Variants in KIAA1210 observed in about 807,000 individuals in gnomAD.
The protein encoded by KIAA1210 is acrosomal protein KIAA1210.
A neutral mutation model predicts 78.9 loss-of-function variants in KIAA1210; 48 were observed. The observed-to-expected ratio is 0.61, with a 90% CI of 0.48 to 0.77. The LOEUF (loss-of-function observed/expected upper bound fraction) is 0.77. Among genes scored for constraint, KIAA1210 ranks in the 30% least tolerant of loss-of-function variants. The pLI is 0.00. For missense variants in KIAA1210, 1,108 were observed against 1,100.0 expected (o/e 1.01, Z -0.10); for synonymous variants, 406 against 404.5 (o/e 1.00, Z -0.04).
upstream of KIAA1210, among the ~76,000 whole-genome samples, chrX:119,130,457 G>T (rs898646264): frequency 1.8e-5 from 2 of 112,906 alleles, no homozygotes; most frequent in Non-Finnish European, 3.7e-5. Flanking sequence ...TGTTGTCATA[G>T]TTGATATCAC....
In KIAA1210 at chrX:119,080,068, C is replaced by CTTT. The variant is rs1467034244; in HGVS notation, c.*1258_*1260dup. Reference sequence around the variant, plus strand: ...GCCATCTGCCTGATGGAAAGTACAGCTTTTGGCATCTGTAGAACTCTAATT... The same window carrying CTTT: ...GCCATCTGCCTGATGGAAAGTACAGCTTTTTTTGGCATCTGTAGAACTCTAATT... On this transcript the variant is annotated 3_prime_UTR_variant, in exon 12 of 12. Coordinates refer to ENST00000691062, the MANE Select transcript of KIAA1210 (RefSeq NM_001394962.1). 1 of 111,416 alleles carries CTTT rather than the reference C, an allele frequency of 9.0e-6. No individual in the cohort carries two copies. Among genetic ancestry groups the CTTT allele is most frequent in the Non-Finnish European group, 1.9e-5 (1 of 53,084 alleles). 9.2% of individuals were successfully genotyped at this position (111,416 alleles called of 1,213,427 possible).
chrX:119,088,529 C>T lies in KIAA1210; in HGVS notation c.2173G>A (p.Glu725Lys). 8.3e-7 allele frequency: 1 copy of T among 1,211,004 alleles called. No homozygotes were observed. Among genetic ancestry groups the T allele is most frequent in the African/African-American group, 1.7e-5 (1 of 57,832 alleles). ...VSSASNNTPE[E>K]QNDFMQQLPS... ...AGCTGCTGCATAAAATCATTCTGCT[C>T]TTCAGGAGTATTATTTGAAGCAGAG... is the stretch of plus-strand genomic sequence containing the variant. Residue 725 changes from glutamate to lysine, a missense_variant, in exon 9 of 12, where the codon GAG becomes AAG. Around this residue, in one of 5 missense-constraint regions of KIAA1210, gnomAD observed 672 missense variants for 607.1 expected, o/e 1.11. Transcript: ENST00000691062.
intron 8 of KIAA1210, among the ~76,000 whole-genome samples, chrX:119,092,568 T>C (rs1029862208): frequency 6.3e-5 from 7 of 110,777 alleles, no homozygotes; most frequent in Admixed American, 9.7e-5. Context: ...GAGATCATCC[T>C]GGCTAACACG....
rs375171017 is a variant in KIAA1210 at position 119,080,672 on chromosome X, C to T, written c.*657G>A. The T allele has an allele frequency of 6.2e-5, 7 of 112,015 alleles. No individual in the cohort carries two copies. The highest frequency in any genetic ancestry group is 2.8e-4 in the East Asian group (1 of 3,585). The allele number at this position is 112,015 out of a possible 1,213,427, so 9.2% of individuals were successfully genotyped here. The stretch of plus-strand genomic sequence containing the variant: ...TTTCTCCCTTCTAAAGCACATTGTC[C>T]AAAGTTAAAGATTTTGCAATTTTAC... On this transcript the variant is annotated 3_prime_UTR_variant, in exon 12 of 12. Transcript: ENST00000691062.
In KIAA1210 at chrX:119,137,196, G is replaced by A. The variant is rs187653899; in HGVS notation, c.410+10277C>T. On this transcript the variant is annotated intron_variant, in intron 2 of 13. Coordinates refer to the KIAA1210 transcript ENST00000402510. ...ATCCTCAGAACAATCCTATGAGGTAGGTACTAGTTATTTTCACTTCTCTCC... is the reference window on the plus strand; with the variant it reads ...ATCCTCAGAACAATCCTATGAGGTAAGTACTAGTTATTTTCACTTCTCTCC... Among the ~76,000 whole-genome samples the A allele has an allele frequency of 2.0e-3, 221 of 112,410 alleles. 3 individuals carry two copies. Among genetic ancestry groups the A allele is most frequent in the African/African-American group, 7.0e-3 (217 of 31,028 alleles).
intron 2 of KIAA1210, among the ~76,000 whole-genome samples, chrX:119,139,308 A>G (rs1051831434): frequency 3.6e-5 from 4 of 111,868 alleles, no homozygotes; most frequent in Admixed American, 9.5e-5. Flanking sequence ...CTGAATTGGG[A>G]AGCCATAAGA....
Position 119,081,429 on chromosome X carries a change from G to T in KIAA1210, c.4502C>A (p.Ala1501Asp), listed in dbSNP as rs1926961631. Reference sequence around the variant, plus strand: ...TGGCTCAACTGGGTTCTGGAACTTGGCTGGGAGAGTTGAAGATCGTTTGGT... The same window carrying T: ...TGGCTCAACTGGGTTCTGGAACTTGTCTGGGAGAGTTGAAGATCGTTTGGT... Reference protein sequence around the residue: ...KETKRSSTLPAKFQNPVEPIE... With the variant: ...KETKRSSTLPDKFQNPVEPIE... The change falls in exon 12 of 12, where the codon GCC becomes GAC. Residue 1501 changes from alanine to aspartate, a missense_variant. Ala to Asp is a moderately radical substitution (Grantham distance 126, BLOSUM62 -2). Around this residue, in one of 5 missense-constraint regions of KIAA1210, gnomAD observed 245 missense variants for 278.8 expected, o/e 0.88. Coordinates refer to ENST00000691062, the MANE Select transcript of KIAA1210 (RefSeq NM_001394962.1). 1 of 1,210,615 alleles carries T rather than the reference G, an allele frequency of 8.3e-7. No individual in the cohort carries two copies. Among genetic ancestry groups the T allele is most frequent in the South Asian group, 1.8e-5 (1 of 56,878 alleles).
chrX:119,116,432 G>A, intron 3 of KIAA1210, 64 bp downstream of exon 3: 16 of 1,110,049 alleles, frequency 1.4e-5, no homozygotes, highest in Non-Finnish European at 2.0e-5. Context: ...GCCGAAAGGT[G>A]ACCTAGATCC....
intron 9 of KIAA1210, 126 bp from the exon 10 acceptor site, chrX:119,085,672 T>A (rs1304719954): frequency 4.7e-6 from 3 of 638,158 alleles, no homozygotes; most frequent in Non-Finnish European, 6.8e-6. Context: ...AATAAACAGA[T>A]ATCAAACAGA....
rs372678895 is a variant in KIAA1210, at chrX:119,116,525, G to T, written c.201C>A (p.Pro67=). 3.3e-6 allele frequency: 4 copies of T among 1,209,786 alleles called. No homozygotes were observed. Among genetic ancestry groups the T allele is most frequent in the Non-Finnish European group, 4.5e-6 (4 of 895,001 alleles). ...CCTTAGTTGGTTGATTTTCCCGAACGGGCTGCAGAGAAGAGATGTTAATGT... is the reference window on the plus strand; with the variant it reads ...CCTTAGTTGGTTGATTTTCCCGAACTGGCTGCAGAGAAGAGATGTTAATGT... ...SSNINISSLQ[P]VRENQPTKAR... The change falls in exon 3 of 12, where the codon CCC becomes CCA. Residue 67 remains proline (P), a synonymous_variant. Transcript: ENST00000691062.
chrX:119,149,328 GTCAACAAGATTCTT>G (rs912244242), intron 1 of KIAA1210, among the ~76,000 whole-genome samples: 18 of 111,384 alleles, frequency 1.6e-4, no homozygotes, highest in Non-Finnish European at 3.2e-4. Flanking sequence ...TCTTCGTTCA[GTCAACAAGATTCTT>G]TCAACAAATA....
chrX:119,122,951 C>G (rs1450361536), intron 2 of KIAA1210, among the ~76,000 whole-genome samples: 1 of 112,275 alleles, frequency 8.9e-6, no homozygotes, highest in East Asian at 2.8e-4. Flanking sequence ...GAAGAACAAC[C>G]CAAAGAACTG....
chrX:119,145,773 A>G (rs778632879), intron 2 of KIAA1210, among the ~76,000 whole-genome samples: 1 of 112,541 alleles, frequency 8.9e-6, no homozygotes, highest in Non-Finnish European at 1.9e-5. Context: ...CTTCTAGTGA[A>G]TTATAAAGTT....
At chrX:119,121,557 A>G (rs1306713647) in intron 2 of KIAA1210, among the ~76,000 whole-genome samples, 2 of 52,876 alleles carry the variant, frequency 3.8e-5, no homozygotes, top group South Asian at 2.1e-3. Flanking sequence ...GCCAGAAAAC[A>G]GCTCATTGAA....
rs771009143 is a variant in KIAA1210 at position 119,105,129 on chromosome X, G to A, written c.511C>T (p.Arg171Cys). 113 of 1,204,269 alleles carry A rather than the reference G, an allele frequency of 9.4e-5. No homozygotes were observed. Among genetic ancestry groups the A allele is most frequent in the Non-Finnish European group, 1.1e-4 (102 of 892,811 alleles). ...ACAGGTGGGATGATGCTGAGTCGGCGTCGGCGCGATGGTGGGTTCTGTCAA... is the reference window on the plus strand; with the variant it reads ...ACAGGTGGGATGATGCTGAGTCGGCATCGGCGCGATGGTGGGTTCTGTCAA... ...KITENPPSRR[R>C]RLSIIPPVIQ... Residue 171 changes from arginine (R) to cysteine (C), a missense_variant, in exon 6 of 12, where the codon CGC becomes TGC. By Grantham distance (180) the Arg-to-Cys change is radical. Transcript: ENST00000691062.
chrX:119,111,403 C>T (rs1382021024), intron 3 of KIAA1210, among the ~76,000 whole-genome samples: 1 of 111,982 alleles, frequency 8.9e-6, no homozygotes, highest in Admixed American at 9.5e-5. Context: ...GGCACATATA[C>T]ACCATGGAAT....
chrX:119,107,981 G>C (rs1927942145), intron 5 of KIAA1210, among the ~76,000 whole-genome samples: 1 of 111,902 alleles, frequency 8.9e-6, no homozygotes, highest in South Asian at 3.8e-4. Flanking sequence ...AGGTGCTAAG[G>C]TGTACCCTTC....
Position 119,087,310 on chromosome X carries a change from T to C in KIAA1210, c.3392A>G (p.Glu1131Gly), listed in dbSNP as rs1211499473. ...LSQALRKPEY[E>G]QKVSPVSASS... ...GGCAGAAACAGGGGAGACTTTTTGC[T>C]CATACTCAGGTTTCCTCAAGGCCTG... The change falls in exon 9 of 12, where the codon GAG (glutamate) becomes GGG (glycine). Residue 1131 changes from glutamate to glycine, a missense_variant. This residue lies in a region of KIAA1210 where 5 missense variants were observed against 18.2 expected (regional missense o/e 0.27). Transcript: ENST00000691062. 1 of 1,209,200 alleles carries C rather than the reference T, an allele frequency of 8.3e-7. No homozygotes were observed. The highest frequency in any genetic ancestry group is 2.2e-5 in the Admixed American group (1 of 45,650).
upstream of KIAA1210, among the ~76,000 whole-genome samples, chrX:119,150,750 T>C (rs768377217): frequency 8.9e-6 from 1 of 112,158 alleles, no homozygotes; most frequent in Non-Finnish European, 1.9e-5. Context: ...AGGGGAATGA[T>C]GTTGCAAGTT....
Sources: allele counts gnomAD v4.1 joint callset (sites outside exome capture counted in the v4.1 genomes callset), GRCh38; gene constraint gnomAD v4.1.1; regional missense constraint gnomAD v4.1.1; transcripts MANE v1.5; gene names NCBI Gene and HGNC (gene_info 2026-07-23, HGNC 2026-07-21).